The following TBC1D1 variants were observed in gnomAD, a reference collection of about 807,000 sequenced individuals.
TBC1D1 encodes TBC1 domain family member 1, also known as TBC1 (tre-2/USP6, BUB2, cdc16) domain family, member 1.
Under a neutral mutation model 125.6 loss-of-function variants are expected in TBC1D1, and 89 were observed. That is an observed-to-expected ratio of 0.71 (90% confidence interval 0.60 to 0.85). The LOEUF is 0.85. TBC1D1 is among the 40% of genes least tolerant of loss of function. TBC1D1 has a pLI of 0.00. For synonymous variants in TBC1D1, 565 were observed against 564.1 expected, an observed-to-expected ratio of 1.00 and a Z score of -0.02; for missense variants, 1,377 against 1,469.2, an observed-to-expected ratio of 0.94 and a Z score of 1.03.
At chr4:38,063,619 G>A (rs11947677) in intron 12 of TBC1D1, among the ~76,000 whole-genome samples, 85,931 of 151,350 alleles carry the variant, frequency 0.57, 25,411 homozygotes, top group African/African-American at 0.74. Flanking sequence ...CATGACCACA[G>A]TCTAATTTTT....
chr4:37,892,164 AAAATC>A (rs1713478091), intron 1 of TBC1D1, among the ~76,000 whole-genome samples: 1 of 152,210 alleles, frequency 6.6e-6, no homozygotes, highest in Admixed American at 6.6e-5. Context: ...ATTTATTAAT[AAAATC>A]AGACTTTGAA....
At chr4:38,017,500 A>T (rs73241054) in intron 3 of TBC1D1, among the ~76,000 whole-genome samples, 5,369 of 152,324 alleles carry the variant, frequency 0.035, 94 homozygotes, top group African/African-American at 0.041. Flanking sequence ...TGCCCCAAAC[A>T]GAATGCACGT....
intron 18 of TBC1D1, among the ~76,000 whole-genome samples, chr4:38,129,536 C>T (rs548137945): frequency 2.6e-5 from 4 of 152,278 alleles, no homozygotes; most frequent in Admixed American, 6.5e-5. Flanking sequence ...ACCAGGCCGA[C>T]TGTTCCCACT....
At chr4:37,993,696 C>T (rs973173512) in intron 2 of TBC1D1, among the ~76,000 whole-genome samples, 4 of 152,208 alleles carry the variant, frequency 2.6e-5, no homozygotes. Context: ...ATTCTCCTGC[C>T]TCAGCCTCCC....
chr4:37,984,862 G>C (rs950198999), intron 2 of TBC1D1, among the ~76,000 whole-genome samples: 9 of 151,262 alleles, frequency 5.9e-5, no homozygotes, highest in Non-Finnish European at 8.8e-5. Flanking sequence ...AAAAGAAAAT[G>C]TTAGTGCTTT....
At chr4:38,127,525 A>G (rs1257237930) in intron 18 of TBC1D1, among the ~76,000 whole-genome samples, 1 of 151,798 alleles carries the variant, frequency 6.6e-6, no homozygotes, top group African/African-American at 2.4e-5. Flanking sequence ...CTGGGACTAT[A>G]GGCATGTGCC....
At chr4:37,998,719 G>A (rs1013225938) in intron 2 of TBC1D1, among the ~76,000 whole-genome samples, 2 of 152,194 alleles carry the variant, frequency 1.3e-5, no homozygotes, top group Non-Finnish European at 1.5e-5. Flanking sequence ...GGGAATGAGG[G>A]TGTCTTCTTC....
At chr4:38,042,624 A>G (rs1748613110) in intron 8 of TBC1D1, among the ~76,000 whole-genome samples, 1 of 152,162 alleles carries the variant, frequency 6.6e-6, no homozygotes, top group African/African-American at 2.4e-5. Flanking sequence ...AAAGTTCACT[A>G]TACGTCTTCA....
intron 2 of TBC1D1, among the ~76,000 whole-genome samples, chr4:37,975,958 A>G (rs1248559374): frequency 1.3e-5 from 2 of 152,078 alleles, no homozygotes; most frequent in African/African-American, 2.4e-5. Context: ...ACAATCCCCC[A>G]TGATCCTCTC....
chr4:38,052,728 G>GCGCACACACACACACACACACA (rs1491148206), intron 11 of TBC1D1, among the ~76,000 whole-genome samples: 2 of 118,276 alleles, frequency 1.7e-5, no homozygotes, highest in Non-Finnish European at 3.5e-5. Context: ...GCGCGCGCGC[G>GCGCACACACACACACACACACA]CACACACACA....
At chr4:37,973,904 A>G (rs1047044450) in intron 2 of TBC1D1, among the ~76,000 whole-genome samples, 2 of 152,236 alleles carry the variant, frequency 1.3e-5, no homozygotes, top group African/African-American at 4.8e-5. Context: ...GTTATGATGC[A>G]GTAGGTCTAG....
chr4:37,989,747 T>C (rs1480752572), intron 2 of TBC1D1, among the ~76,000 whole-genome samples: 1 of 152,214 alleles, frequency 6.6e-6, no homozygotes, highest in East Asian at 1.9e-4. Context: ...GACATTGGCT[T>C]CTGCCACCAG....
At chr4:37,989,483 C>T (rs1413755907) in intron 2 of TBC1D1, among the ~76,000 whole-genome samples, 5 of 152,212 alleles carry the variant, frequency 3.3e-5, no homozygotes, top group African/African-American at 1.2e-4. Flanking sequence ...ACCTTGAGCA[C>T]GTGTTCTCAG....
At chr4:38,046,862 T>C (rs1749587428) in intron 10 of TBC1D1, among the ~76,000 whole-genome samples, 1 of 152,152 alleles carries the variant, frequency 6.6e-6, no homozygotes, top group South Asian at 2.1e-4. Context: ...AGCTTTCCCT[T>C]CTGCTACCAG....
rs1047546004 is a variant in TBC1D1, at chr4:37,968,891, G to A, written c.418-45618G>A. On this transcript the variant is annotated intron_variant, in intron 2 of 19. Coordinates refer to ENST00000261439, the MANE Select transcript of TBC1D1 (RefSeq NM_015173.4). ...ATTTCTAAACTGTTGAAAGTGTGGC[G>A]GGCAAGTGATGCTTGTGTGTACCAA... Among the ~76,000 whole-genome samples the A allele has an allele frequency of 5.3e-5, 8 of 152,140 alleles. 1 individual carries two copies. The highest frequency in any genetic ancestry group is 2.0e-4 in the Admixed American group (3 of 15,278).
At chr4:38,057,520 T>G (rs966675773) in intron 12 of TBC1D1, among the ~76,000 whole-genome samples, 1 of 152,218 alleles carries the variant, frequency 6.6e-6, no homozygotes, top group African/African-American at 2.4e-5. Context: ...TCCTCATGCC[T>G]CCTCTGTCTC....
chr4:38,091,002 C>T (rs1418780393), intron 13 of TBC1D1, among the ~76,000 whole-genome samples: 2 of 152,174 alleles, frequency 1.3e-5, no homozygotes, highest in African/African-American at 2.4e-5. Context: ...GAATAAGCTC[C>T]TGAGAATGTG....
chr4:37,919,037 C>G (rs1720338257), intron 2 of TBC1D1, among the ~76,000 whole-genome samples: 1 of 147,106 alleles, frequency 6.8e-6, no homozygotes, highest in South Asian at 2.1e-4. Flanking sequence ...AAAAGTTGTG[C>G]AAGAAAATGA....
chr4:38,068,131 G>C (rs1226538021), intron 12 of TBC1D1, among the ~76,000 whole-genome samples: 1 of 152,050 alleles, frequency 6.6e-6, no homozygotes, highest in Non-Finnish European at 1.5e-5. Context: ...CCAGTTCCAA[G>C]CAGAACAAAA....
Sources: gnomAD v4.1 joint callset for allele counts (sites outside exome capture counted in the v4.1 genomes callset) on GRCh38, gnomAD v4.1.1 for gene constraint, MANE v1.5 for transcripts, NCBI Gene and HGNC (gene_info 2026-07-23, HGNC 2026-07-21) for gene names.